Variants in MRLN observed in about 807,000 individuals in gnomAD.
MRLN encodes the protein myoregulin, also known as Linc-RNA activator of myogenesis.
chr10:59,740,804 C>CT (rs761731461), intron 1 of MRLN, among the ~76,000 whole-genome samples: 9 of 54,660 alleles, frequency 1.6e-4, no homozygotes, highest in African/African-American at 1.8e-4. Context: ...TTCTTTCTTT[C>CT]TTTTTTTTTT....
At chr10:59,750,363 G>A (rs1049038995) in intron 1 of MRLN, among the ~76,000 whole-genome samples, 8 of 152,036 alleles carry the variant, frequency 5.3e-5, no homozygotes, top group African/African-American at 9.7e-5. Context: ...GAGCCATCAC[G>A]CCCAGCCCAC....
chr10:59,747,838 T>G (rs1191000847), intron 1 of MRLN, among the ~76,000 whole-genome samples: 2 of 152,220 alleles, frequency 1.3e-5, no homozygotes, highest in African/African-American at 4.8e-5. Context: ...TGACTATACT[T>G]AAAGCAGAAG....
chr10:59,750,396 T>A (rs1464808213), intron 1 of MRLN, among the ~76,000 whole-genome samples: 1 of 152,190 alleles, frequency 6.6e-6, no homozygotes, highest in East Asian at 1.9e-4. Flanking sequence ...TAGGTCAACA[T>A]CTGTTCAGTT....
rs148596272 is a variant in MRLN, at chr10:59,742,862, G to A, written c.-124-4300C>T. ...TCCCACCTCAGCCTCATGAGTAGCT[G>A]GGGCCACAGGCACATGCAACCACAC... On this transcript the variant is annotated intron_variant, in intron 1 of 2. Transcript: ENST00000414264. 6.7e-4 allele frequency among the ~76,000 whole-genome samples: 102 copies of A among 152,130 alleles called. 1 individual carries two copies. Among genetic ancestry groups the A allele is most frequent in the African/African-American group, 2.4e-3 (101 of 41,500 alleles).
intron 1 of MRLN, among the ~76,000 whole-genome samples, chr10:59,751,766 A>G (rs1476839171): frequency 3.9e-5 from 6 of 152,106 alleles, no homozygotes; most frequent in Non-Finnish European, 8.8e-5. Flanking sequence ...AGGTTAGCAC[A>G]TGGTGTCTTG....
intron 1 of MRLN, among the ~76,000 whole-genome samples, chr10:59,752,145 C>T (rs1284630684): frequency 6.6e-6 from 1 of 152,188 alleles, no homozygotes; most frequent in African/African-American, 2.4e-5. Flanking sequence ...CACCTGTCCT[C>T]AGCATTTGCA....
At chr10:59,745,815 T>C (rs2132592524) in intron 1 of MRLN, among the ~76,000 whole-genome samples, 1 of 152,272 alleles carries the variant, frequency 6.6e-6, no homozygotes, top group Admixed American at 6.5e-5. Flanking sequence ...TGCCACCAGT[T>C]TGTAAGCCCT....
intron 1 of MRLN, among the ~76,000 whole-genome samples, chr10:59,749,817 A>G (rs937031858): frequency 6.6e-6 from 1 of 152,162 alleles, no homozygotes; most frequent in African/African-American, 2.4e-5. Flanking sequence ...CCAGCCATGA[A>G]GAGGGATGGA....
chr10:59,737,418 A>G (rs1451951948), intron 2 of MRLN, among the ~76,000 whole-genome samples, 198 bp from the exon 3 acceptor site: 1 of 152,196 alleles, frequency 6.6e-6, no homozygotes, highest in Non-Finnish European at 1.5e-5. Context: ...TCAAAATCAC[A>G]GGCTTTTCTC....
At chr10:59,738,974 T>C (rs1186519954) in intron 1 of MRLN, 1 of 151,822 alleles carries the variant, frequency 6.6e-6, no homozygotes, top group Non-Finnish European at 1.5e-5. Flanking sequence ...ACAAAAAAAA[T>C]TAGCCGGGCA....
intron 1 of MRLN, among the ~76,000 whole-genome samples, chr10:59,751,571 G>A (rs1841102974): frequency 6.6e-6 from 1 of 151,110 alleles, no homozygotes; most frequent in African/African-American, 2.4e-5. Flanking sequence ...TCGGGAGGCT[G>A]AGGTGGAAGA....
At chr10:59,750,095 G>C (rs1377257579) in intron 1 of MRLN, among the ~76,000 whole-genome samples, 1 of 121,696 alleles carries the variant, frequency 8.2e-6, no homozygotes, top group East Asian at 2.4e-4. Context: ...TTTTTGAGAC[G>C]GAGTTTCGCT....
intron 1 of MRLN, among the ~76,000 whole-genome samples, chr10:59,743,741 TC>T (rs1228156430): frequency 6.6e-6 from 1 of 152,122 alleles, no homozygotes; most frequent in African/African-American, 2.4e-5. Flanking sequence ...ACTGCTGCCA[TC>T]TCGACTCACT....
intron 1 of MRLN, among the ~76,000 whole-genome samples, chr10:59,747,191 T>A (rs1295529387): frequency 6.6e-6 from 1 of 152,352 alleles, no homozygotes; most frequent in African/African-American, 2.4e-5. Flanking sequence ...CTTGTTACCT[T>A]ATGGCTAACA....
chr10:59,747,309 G>A (rs1038211577), intron 1 of MRLN, among the ~76,000 whole-genome samples: 2 of 152,180 alleles, frequency 1.3e-5, no homozygotes, highest in African/African-American at 4.8e-5. Context: ...GACAGAGTTT[G>A]AATCTCAGGT....
At chr10:59,737,979 G>A (rs1840941593) in intron 2 of MRLN, 1 of 152,030 alleles carries the variant, frequency 6.6e-6, no homozygotes, top group South Asian at 2.1e-4. Context: ...CAAGATTTGG[G>A]TAGTAAAATA....
intron 1 of MRLN, among the ~76,000 whole-genome samples, chr10:59,750,873 G>A (rs1176534033): frequency 1.3e-5 from 2 of 152,188 alleles, no homozygotes; most frequent in Non-Finnish European, 2.9e-5. Context: ...TGCAGAAACG[G>A]GTGCAGGATG....
At chr10:59,749,102 GCCA>G (rs1841071913) in intron 1 of MRLN, among the ~76,000 whole-genome samples, 1 of 152,212 alleles carries the variant, frequency 6.6e-6, no homozygotes, top group Non-Finnish European at 1.5e-5. Flanking sequence ...GACCTCAGAT[GCCA>G]CCTCATCTGG....
At chr10:59,739,386 G>A (rs1427460511) in intron 1 of MRLN, 1 of 152,136 alleles carries the variant, frequency 6.6e-6, no homozygotes, top group Admixed American at 6.5e-5. Flanking sequence ...AAATGGCATA[G>A]TATTTACATA....
Sources: allele counts gnomAD v4.1 joint callset (sites outside exome capture counted in the v4.1 genomes callset), GRCh38; gene constraint gnomAD v4.1.1; transcripts MANE v1.5; gene names NCBI Gene and HGNC (gene_info 2026-07-23, HGNC 2026-07-21).